The following ROBO1 variants were observed in gnomAD, a reference collection of about 807,000 sequenced individuals.
The protein encoded by ROBO1 is roundabout guidance receptor 1, also known as roundabout homolog 1.
ROBO1 carries 149 observed loss-of-function variants against 195.9 expected under a neutral mutation model. That is an observed-to-expected ratio of 0.76 (90% confidence interval 0.67 to 0.87). ROBO1 has a LOEUF of 0.87. ROBO1 is among the 40% of genes least tolerant of loss of function. ROBO1 has a pLI of 0.00. For missense variants in ROBO1, 1,933 were observed against 2,068.3 expected, an observed-to-expected ratio of 0.93 and a Z score of 1.27; for synonymous variants, 816 against 733.2, an observed-to-expected ratio of 1.11 and a Z score of -1.82.
In ROBO1 at chr3:78,639,775, G is replaced by A. The variant is rs1237973974; in HGVS notation, c.3006C>T (p.Ser1002=). Residue 1002 remains serine (S), a synonymous_variant, in exon 22 of 31, where the codon AGC becomes AGT. Transcript: ENST00000464233. ...GACTGTAGGTAGTGAGGTTGCTGTC[G>A]CTGTTTCCATTGCCTGCCGTGCAGC... ...ISCCTAGNGN[S]DSNLTTYSRP... is the part of the protein sequence containing the mutation. 51 of 1,612,986 alleles carry A rather than the reference G, an allele frequency of 3.2e-5. No individual in the cohort carries two copies. Among genetic ancestry groups the A allele is most frequent in the East Asian group, 4.5e-5 (2 of 44,848 alleles).
At chr3:79,711,933 G>GT (rs1702293680) in intron 1 of ROBO1, among the ~76,000 whole-genome samples, 1 of 142,508 alleles carries the variant, frequency 7.0e-6, no homozygotes, top group African/African-American at 2.5e-5. Flanking sequence ...GCGGGTGGGT[G>GT]GGGGAGCACT....
chr3:79,495,758 T>A (rs1452001291), intron 2 of ROBO1, among the ~76,000 whole-genome samples: 1 of 152,214 alleles, frequency 6.6e-6, no homozygotes, highest in East Asian at 1.9e-4. Flanking sequence ...TCTGTATCTC[T>A]TTTTCCTTAT....
At chr3:79,482,539 G>C (rs1938918198) in intron 2 of ROBO1, among the ~76,000 whole-genome samples, 1 of 152,128 alleles carries the variant, frequency 6.6e-6, no homozygotes, top group Admixed American at 6.5e-5. Flanking sequence ...GGCCTCCCCA[G>C]ACATGTGGAA....
At chr3:79,079,902 T>C (rs919049047) in intron 3 of ROBO1, among the ~76,000 whole-genome samples, 2 of 151,900 alleles carry the variant, frequency 1.3e-5, no homozygotes, top group African/African-American at 4.8e-5. Context: ...TCAGAGTCTA[T>C]ATTTTAAATA....
chr3:79,503,086 T>G (rs7640018), intron 2 of ROBO1, among the ~76,000 whole-genome samples: 46,084 of 151,774 alleles, frequency 0.3, 7,209 homozygotes, highest in Non-Finnish European at 0.35. Context: ...TCTTTAGCTC[T>G]TTGCAATAAA....
intron 4 of ROBO1, among the ~76,000 whole-genome samples, chr3:78,868,102 C>A (rs1451268920): frequency 1.3e-5 from 2 of 152,128 alleles, no homozygotes; most frequent in Non-Finnish European, 2.9e-5. Context: ...CAGGCGACAG[C>A]ATTTCTGCCT....
At chr3:79,059,491 T>A (rs1159366105) in intron 3 of ROBO1, among the ~76,000 whole-genome samples, 6 of 152,004 alleles carry the variant, frequency 3.9e-5, no homozygotes, top group African/African-American at 1.4e-4. Flanking sequence ...CCATAGCACA[T>A]TTATATAAAA....
chr3:79,320,221 T>C (rs943884181), intron 2 of ROBO1, among the ~76,000 whole-genome samples: 11 of 152,180 alleles, frequency 7.2e-5, no homozygotes, highest in Non-Finnish European at 1.6e-4. Context: ...ATTGTATGCT[T>C]GCACGGTGGA....
chr3:78,927,040 T>C (rs1342763742), intron 4 of ROBO1, among the ~76,000 whole-genome samples: 1 of 152,014 alleles, frequency 6.6e-6, no homozygotes, highest in African/African-American at 2.4e-5. Context: ...ATTATATCCA[T>C]TATAAAAAGC....
At chr3:79,270,413 T>C (rs2030438248) in intron 2 of ROBO1, among the ~76,000 whole-genome samples, 1 of 151,410 alleles carries the variant, frequency 6.6e-6, no homozygotes, top group African/African-American at 2.4e-5. Flanking sequence ...TATTTATAAT[T>C]TTAACGTTAA....
intron 2 of ROBO1, among the ~76,000 whole-genome samples, chr3:79,161,944 A>G (rs2108666251): frequency 6.6e-6 from 1 of 152,244 alleles, no homozygotes; most frequent in Non-Finnish European, 1.5e-5. Flanking sequence ...GCCTCTGATG[A>G]GCTGCAGTTA....
intron 4 of ROBO1, among the ~76,000 whole-genome samples, chr3:78,815,993 G>A (rs2084889939): frequency 6.6e-6 from 1 of 152,108 alleles, no homozygotes; most frequent in Admixed American, 6.6e-5. Flanking sequence ...GGTGGCTACA[G>A]TAAGCAACAA....
chr3:79,077,143 T>C (rs1400564456), intron 3 of ROBO1, among the ~76,000 whole-genome samples: 3 of 151,912 alleles, frequency 2.0e-5, no homozygotes. Context: ...CCAGAACTTG[T>C]TCATCTTATA....
At chr3:78,777,889 G>C (rs11127634) in intron 4 of ROBO1, among the ~76,000 whole-genome samples, 47,751 of 152,074 alleles carry the variant, frequency 0.31, 8,474 homozygotes, top group South Asian at 0.46. Flanking sequence ...GGAGTGGTGA[G>C]AGAGGGCATC....
intron 3 of ROBO1, among the ~76,000 whole-genome samples, chr3:79,116,096 G>C (rs908884879): frequency 1.3e-5 from 2 of 152,230 alleles, no homozygotes; most frequent in Non-Finnish European, 2.9e-5. Context: ...GTAGTGATTA[G>C]TGCTATTTAC....
chr3:79,373,664 C>T (rs937701997), intron 2 of ROBO1, among the ~76,000 whole-genome samples: 1 of 152,130 alleles, frequency 6.6e-6, no homozygotes, highest in African/African-American at 2.4e-5. Context: ...ATAGGATAGC[C>T]TTCAGCTTAT....
intron 4 of ROBO1, among the ~76,000 whole-genome samples, chr3:78,835,509 T>C (rs1330667890): frequency 6.6e-6 from 1 of 152,222 alleles, no homozygotes; most frequent in East Asian, 1.9e-4. Flanking sequence ...CAGTAGCCTA[T>C]ATTCTTCACA....
At chr3:79,397,106 T>C (rs578186088) in intron 2 of ROBO1, among the ~76,000 whole-genome samples, 44 of 152,146 alleles carry the variant, frequency 2.9e-4, no homozygotes, top group African/African-American at 1.1e-3. Flanking sequence ...AAAATAGCTA[T>C]CTAATGAAAT....
chr3:79,561,517 G>A lies in ROBO1; in HGVS notation c.88+28307C>T, dbSNP rs147554674. On this transcript the variant is annotated intron_variant, in intron 2 of 30. Transcript: ENST00000464233. ...TTGAGGGACAAGAGTAGATTTAAAC[G>A]TGGGCCAAATTATAAAACACATTGG... 4.2e-3 allele frequency among the ~76,000 whole-genome samples: 642 copies of A among 152,268 alleles called. 2 individuals are homozygous for A. Among genetic ancestry groups the A allele is most frequent in the African/African-American group, 0.013 (539 of 41,576 alleles).
Sources: gnomAD v4.1 joint callset for allele counts (sites outside exome capture counted in the v4.1 genomes callset) on GRCh38, gnomAD v4.1.1 for gene constraint, MANE v1.5 for transcripts, NCBI Gene and HGNC (gene_info 2026-07-23, HGNC 2026-07-21) for gene names.